The following DYNC1H1 variants were observed in gnomAD, a reference collection of about 807,000 sequenced individuals.
DYNC1H1 encodes dynein cytoplasmic 1 heavy chain 1, also known as cytoplasmic dynein 1 heavy chain 1.
DYNC1H1 carries 51 observed loss-of-function variants against 527.1 expected under a neutral mutation model. The observed-to-expected ratio is 0.10, with a 90% CI of 0.08 to 0.12. The LOEUF is 0.12. Among genes scored for constraint, DYNC1H1 ranks in the 10% least tolerant of loss-of-function variants. DYNC1H1 has a pLI of 1.00. For synonymous variants in DYNC1H1, 2,189 were observed against 2,278.8 expected, an observed-to-expected ratio of 0.96 and a Z score of 1.12; for missense variants, 2,771 against 5,971.8, an observed-to-expected ratio of 0.46 and a Z score of 17.66.
intron 29 of DYNC1H1, among the ~76,000 whole-genome samples, chr14:102,008,865 G>C (rs1362326434): frequency 6.6e-6 from 1 of 152,176 alleles, no homozygotes; most frequent in Non-Finnish European, 1.5e-5. Context: ...AGGTTTCTAT[G>C]TCCTAGGACA....
intron 51 of DYNC1H1, chr14:102,030,495 C>T: frequency 3.2e-6 from 2 of 630,428 alleles, no homozygotes; most frequent in Non-Finnish European, 5.3e-6. Flanking sequence ...ATTGTATTTA[C>T]CATAGTGAAA....
Position 101,997,287 on chromosome 14 carries a change from A to G in DYNC1H1, c.3804+13A>G. 1 of 1,614,076 alleles carries G rather than the reference A, an allele frequency of 6.2e-7. No individual in the cohort carries two copies. The highest frequency in any genetic ancestry group is 8.5e-7 in the Non-Finnish European group (1 of 1,180,008). ...CAAGCCTGTCACGGTGAGTCCCGCC[A>G]GGTGGGGACGCAGGAGACTCCTCAC... On this transcript the variant is annotated intron_variant, in intron 16 of 77. Transcript: ENST00000360184. The surrounding 1 kb of genome is among the most constrained non-coding windows in gnomAD (Gnocchi z 4.8).
At chr14:102,048,441 G>A in intron 73 of DYNC1H1, 75 bp from the exon 74 acceptor site, 1 of 1,602,936 alleles carries the variant, frequency 6.2e-7, no homozygotes, top group South Asian at 1.1e-5. Context: ...CGGAGGCCGA[G>A]TTACTTCTGT....
intron 44 of DYNC1H1, 91 bp downstream of exon 44, chr14:102,026,798 C>A: frequency 6.5e-7 from 1 of 1,545,012 alleles, no homozygotes; most frequent in South Asian, 1.2e-5. Context: ...TCATGCTGTC[C>A]TACCACCTCC....
Position 102,018,338 on chromosome 14 carries a change from G to C in DYNC1H1, c.8178-113G>C. 1.4e-6 allele frequency: 2 copies of C among 1,473,714 alleles called. No homozygotes were observed. Among genetic ancestry groups the C allele is most frequent in the South Asian group, 2.5e-5 (2 of 80,118 alleles). 91.3% of individuals were successfully genotyped at this position (1,473,714 alleles called of 1,614,324 possible). On this transcript the variant is annotated intron_variant, in intron 40 of 77. Transcript: ENST00000360184. The surrounding 1 kb of genome is among the most constrained non-coding windows in gnomAD (Gnocchi z 5.2). The stretch of plus-strand genomic sequence containing the variant: ...ACTGATGTCAAGTCTGCATAGCTGG[G>C]TTAGGAAGCGACCTCCAGACAGGGC...
chr14:102,006,291 G>C, intron 27 of DYNC1H1, 121 bp downstream of exon 27: 1 of 1,448,648 alleles, frequency 6.9e-7, no homozygotes, highest in Non-Finnish European at 9.3e-7. Context: ...CTGGAGCACA[G>C]TGGTGCGATC....
At position 102,002,942 on chromosome 14, in the gene DYNC1H1, AAG is replaced by A; in HGVS notation, c.4865_4866del (p.Glu1622AlafsTer12). 1 of 1,614,152 alleles carries A rather than the reference AAG, an allele frequency of 6.2e-7. No individual in the cohort carries two copies. Among genetic ancestry groups the A allele is most frequent in the East Asian group, 2.2e-5 (1 of 44,882 alleles). On this transcript the variant is annotated frameshift_variant, in exon 23 of 78. Coordinates refer to ENST00000360184, the MANE Select transcript of DYNC1H1 (RefSeq NM_001376.5). LOFTEE classifies it high-confidence loss of function. This position sits in a 1 kb window ranked among gnomAD's most constrained non-coding sequence, Gnocchi z 4.4. ...AGAAAGCATTGGGAGAATATCTGGAAAGAGAGCGGTCATCTTTCCCCAGGTAA... is the reference window on the plus strand; with the variant it reads ...AGAAAGCATTGGGAGAATATCTGGAAAGAGCGGTCATCTTTCCCCAGGTAA... ...IQKALGEYLE[R>X]ERSSFPRFYF...
chr14:101,994,335 C>T lies in DYNC1H1; in HGVS notation c.3156+11C>T. 6.2e-7 allele frequency: 1 copy of T among 1,613,990 alleles called. No homozygotes were observed. Among genetic ancestry groups the T allele is most frequent in the Non-Finnish European group, 8.5e-7 (1 of 1,180,008 alleles). On this transcript the variant is annotated intron_variant, in intron 12 of 77. Coordinates refer to ENST00000360184, the MANE Select transcript of DYNC1H1 (RefSeq NM_001376.5). Reference sequence around the variant, plus strand: ...GAACAGTATGTCAAGGTAAGAAACTCCTAATTTCATTCAAATGTGCATATG... The same window carrying T: ...GAACAGTATGTCAAGGTAAGAAACTTCTAATTTCATTCAAATGTGCATATG...
chr14:101,993,387 C>T (rs992593464), intron 11 of DYNC1H1, among the ~76,000 whole-genome samples: 1 of 152,162 alleles, frequency 6.6e-6, no homozygotes, highest in Non-Finnish European at 1.5e-5. Context: ...TCCTGACACT[C>T]TTTTCGGAGC....
At chr14:101,982,872 A>C (rs1418206312) in intron 5 of DYNC1H1, 147 bp from the exon 6 acceptor site, 2 of 972,480 alleles carry the variant, frequency 2.1e-6, no homozygotes, top group Non-Finnish European at 3.1e-6. Context: ...TATCCTGTTA[A>C]TAACGTGTTG....
chr14:102,040,309 C>A lies in DYNC1H1; in HGVS notation c.11764C>A (p.Pro3922Thr). The A allele has an allele frequency of 1.2e-6, 2 of 1,614,176 alleles. No homozygotes were observed. The highest frequency in any genetic ancestry group is 1.7e-6 in the Non-Finnish European group (2 of 1,180,028). Residue 3922 changes from proline to threonine, a missense_variant, in exon 63 of 78, where the codon CCC becomes ACC. Coordinates refer to ENST00000360184, the MANE Select transcript of DYNC1H1 (RefSeq NM_001376.5). ...GATTGTCCTGAGTGCTGGCTCCACC[C>A]CCAGGATCCAGGGCCTGACTGTGGA... Reference protein sequence around the residue: ...NEIVLSAGSTPRIQGLTVEQA... With the variant: ...NEIVLSAGSTTRIQGLTVEQA...
chr14:101,987,990 A>T (rs1291525512), intron 9 of DYNC1H1, among the ~76,000 whole-genome samples: 1 of 152,152 alleles, frequency 6.6e-6, no homozygotes, highest in East Asian at 1.9e-4. Flanking sequence ...AGGCGGGAGG[A>T]TCACTTGAGC....
At chr14:101,989,722 T>G (rs912817009) in intron 10 of DYNC1H1, among the ~76,000 whole-genome samples, 1 of 152,240 alleles carries the variant, frequency 6.6e-6, no homozygotes, top group Non-Finnish European at 1.5e-5. Flanking sequence ...GTTTCCACCT[T>G]TGAATATTAC....
At chr14:101,987,058 CAGGCTCT>C (rs1186153199) in intron 8 of DYNC1H1, among the ~76,000 whole-genome samples, 1 of 152,256 alleles carries the variant, frequency 6.6e-6, no homozygotes, top group Non-Finnish European at 1.5e-5. Flanking sequence ...GAAAGCAGAG[CAGGCTCT>C]AGGTCTCAGC....
intron 43 of DYNC1H1, among the ~76,000 whole-genome samples, chr14:102,025,880 G>C (rs1259599782): frequency 6.6e-6 from 1 of 151,908 alleles, no homozygotes; most frequent in African/African-American, 2.4e-5. Context: ...CACTTTGGGA[G>C]GCCGAGACCG....
rs1217068951 is a variant in DYNC1H1 at position 102,000,106 on chromosome 14, G to A, written c.3922G>A (p.Asp1308Asn). The A allele has an allele frequency of 6.2e-7, 1 of 1,614,254 alleles. No homozygotes were observed. The highest frequency in any genetic ancestry group is 1.7e-5 in the Admixed American group (1 of 60,028). ...AKAKEALELT[D>N]TGLLSGSEER... is the part of the protein sequence containing the mutation. ...GGCCAAGGAGGCGCTGGAATTGACA[G>A]ATACTGGGCTTCTCAGTGGCAGTGA... The change falls in exon 17 of 78, where the codon GAT (aspartate) becomes AAT (asparagine). Residue 1308 changes from aspartate (D) to asparagine (N), a missense_variant. Physicochemically the swap from Asp to Asn is conservative, Grantham distance 23. Around this residue, in one of 32 missense-constraint regions of DYNC1H1, gnomAD observed 223 missense variants for 462.5 expected, o/e 0.48. Coordinates refer to ENST00000360184, the MANE Select transcript of DYNC1H1 (RefSeq NM_001376.5).
intron 10 of DYNC1H1, among the ~76,000 whole-genome samples, chr14:101,989,394 G>A (rs1288581401): frequency 6.6e-6 from 1 of 152,202 alleles, no homozygotes; most frequent in Non-Finnish European, 1.5e-5. Flanking sequence ...CCACCACACG[G>A]AGTAGTAGTC....
chr14:101,983,733 A>C lies in DYNC1H1; in HGVS notation c.1461+124A>C. On this transcript the variant is annotated intron_variant, in intron 7 of 77. Transcript: ENST00000360184. This position sits in a 1 kb window ranked among gnomAD's most constrained non-coding sequence, Gnocchi z 5.3. The stretch of plus-strand genomic sequence containing the variant: ...ACTCTTGTTGCCCAGGCTGGAGTGC[A>C]ATGGCATGATCTTGGCTCACTGCAA... 1 of 1,138,206 alleles carries C rather than the reference A, an allele frequency of 8.8e-7. No individual in the cohort carries two copies. The highest frequency in any genetic ancestry group is 1.3e-6 in the Non-Finnish European group (1 of 790,956). The allele number at this position is 1,138,206 out of a possible 1,614,324, so 70.5% of individuals were successfully genotyped here. A position where few individuals can be genotyped will look rare whatever the true frequency, so the allele number is the denominator to read the frequency against.
chr14:102,015,821 A>T lies in DYNC1H1; in HGVS notation c.7243-35A>T. 1 of 1,611,020 alleles carries T rather than the reference A, an allele frequency of 6.2e-7. No individual in the cohort carries two copies. The highest frequency in any genetic ancestry group is 8.5e-7 in the Non-Finnish European group (1 of 1,177,958). On this transcript the variant is annotated intron_variant, in intron 35 of 77. Transcript: ENST00000360184. This position sits in a 1 kb window ranked among gnomAD's most constrained non-coding sequence, Gnocchi z 6.9. ...ATCGATGAAACTCGCCTGCCTTTTG[A>T]AAGATAGTTAAGTATCACTCCTTCC...
Sources: allele counts gnomAD v4.1 joint callset (sites outside exome capture counted in the v4.1 genomes callset), GRCh38; gene constraint gnomAD v4.1.1; regional missense constraint gnomAD v4.1.1; non-coding constraint Gnocchi (gnomAD v3.1); transcripts MANE v1.5; gene names NCBI Gene and HGNC (gene_info 2026-07-23, HGNC 2026-07-21).